MOG: variants seen among roughly 807,000 people sequenced by gnomAD.
The protein encoded by MOG is myelin-oligodendrocyte glycoprotein.
MOG carries 20 observed loss-of-function variants against 35.9 expected under a neutral mutation model. The observed-to-expected ratio is 0.56, with a 90% CI of 0.39 to 0.81. The LOEUF (loss-of-function observed/expected upper bound fraction) is 0.81. Among genes scored for constraint, MOG ranks in the 30% least tolerant of loss-of-function variants. The probability of loss-of-function intolerance (pLI) is 0.00; values close to 1 mark genes in which losing one functional copy is unlikely to be tolerated. For synonymous variants in MOG, 92 were observed against 114.3 expected, an observed-to-expected ratio of 0.80 and a Z score of 1.25; for missense variants, 251 against 301.0, an observed-to-expected ratio of 0.83 and a Z score of 1.23.
chr6:29,657,700 CG>C (rs1236162018), intron 1 of MOG, among the ~76,000 whole-genome samples: 2 of 127,648 alleles, frequency 1.6e-5, no homozygotes, highest in African/African-American at 3.0e-5. Context: ...TTAGTACAGA[CG>C]GGGTTTCACA....
At chr6:29,658,607 G>A (rs1452213280) in intron 1 of MOG, among the ~76,000 whole-genome samples, 1 of 152,214 alleles carries the variant, frequency 6.6e-6, no homozygotes, top group Non-Finnish European at 1.5e-5. Context: ...ATTTGGCCAA[G>A]TCCTAACAGG....
rs1392311443 is a variant in MOG at position 29,662,068 on chromosome 6, C to T, written c.436+2402C>T. The T allele has an allele frequency of 1.0e-6, 1 of 985,416 alleles. No homozygotes were observed. The highest frequency in any genetic ancestry group is 1.7e-5 in the African/African-American group (1 of 57,368). 61.0% of individuals were successfully genotyped at this position (985,416 alleles called of 1,614,324 possible). ...GTATTATTGCAAGTCTCAGGTGTAA[C>T]TACCTCTGCTCTTTCTCTGAAGAGT... On this transcript the variant is annotated intron_variant, in intron 2 of 7. Coordinates refer to ENST00000376917, the MANE Select transcript of MOG (RefSeq NM_206809.4). The surrounding 1 kb of genome is among the most constrained non-coding windows in gnomAD (Gnocchi z 4.2).
At chr6:29,668,126 C>A (rs2127530138) in intron 5 of MOG, among the ~76,000 whole-genome samples, 1 of 152,216 alleles carries the variant, frequency 6.6e-6, no homozygotes, top group East Asian at 1.9e-4. Context: ...ATGTGCCAGG[C>A]ACTATTCTAA....
intron 2 of MOG, among the ~76,000 whole-genome samples, chr6:29,660,466 G>T (rs1768334732): frequency 6.7e-6 from 1 of 148,592 alleles, no homozygotes; most frequent in South Asian, 2.2e-4. Context: ...GGAAGCGGAG[G>T]TTGCAGTGAG....
rs1044750323 is a variant in MOG at position 29,657,096 on chromosome 6, C to G, written c.-114C>G. On this transcript the variant is annotated 5_prime_UTR_variant, in exon 1 of 8. Coordinates refer to ENST00000376917, the MANE Select transcript of MOG (RefSeq NM_206809.4). ...GAGTGGAGGCAGGGCCCAGGCAGCA[C>G]TGCCCTCCAAGATCTTCCCTTGGGC... 3.8e-6 allele frequency: 3 copies of G among 797,486 alleles called. No homozygotes were observed. Among genetic ancestry groups the G allele is most frequent in the Non-Finnish European group, 6.6e-6 (3 of 454,564 alleles). The allele number at this position is 797,486 out of a possible 1,614,324, so 49.4% of individuals were successfully genotyped here. A position where few individuals can be genotyped will look rare whatever the true frequency, so the allele number is the denominator to read the frequency against.
Position 29,670,994 on chromosome 6 carries a change from C to A in MOG, c.731-178C>A, listed in dbSNP as rs1315183537. The A allele has an allele frequency of 1.9e-6, 3 of 1,612,026 alleles. No individual in the cohort carries two copies. The highest frequency in any genetic ancestry group is 1.1e-5 in the South Asian group (1 of 90,704). On this transcript the variant is annotated intron_variant, in intron 7 of 7. Transcript: ENST00000376917. The surrounding 1 kb of genome is among the most constrained non-coding windows in gnomAD (Gnocchi z 4.2). Reference sequence around the variant, plus strand: ...CACTGCCCCTAAGCAGGAATCCAACCCTAGCTGGTCTCATTGCCCATTCCA... The same window carrying A: ...CACTGCCCCTAAGCAGGAATCCAACACTAGCTGGTCTCATTGCCCATTCCA...
chr6:29,667,877 AT>A, intron 4 of MOG, 26 bp from the exon 5 acceptor site: 1 of 1,613,734 alleles, frequency 6.2e-7, no homozygotes, highest in Non-Finnish European at 8.5e-7. Context: ...GCCCTACTAA[AT>A]CCATTTCCAT....
At position 29,662,962 on chromosome 6, in the gene MOG, G is replaced by A. The variant is rs1040552701; in HGVS notation, c.437-3190G>A. Among the ~76,000 whole-genome samples, 6 of 151,928 alleles carry A rather than the reference G, an allele frequency of 3.9e-5. No individual in the cohort carries two copies. Among genetic ancestry groups the A allele is most frequent in the African/African-American group, 7.2e-5 (3 of 41,434 alleles). Reference sequence around the variant, plus strand: ...ACAGGCGCGAGCCACTGCACCCAGCGAAGAACACTTTTTAAAAAATAAATA... The same window carrying A: ...ACAGGCGCGAGCCACTGCACCCAGCAAAGAACACTTTTTAAAAAATAAATA... On this transcript the variant is annotated intron_variant, in intron 2 of 7. Transcript: ENST00000376917. This position sits in a 1 kb window ranked among gnomAD's most constrained non-coding sequence, Gnocchi z 4.2.
intron 2 of MOG, chr6:29,663,993 T>A (rs750022956): frequency 4.3e-6 from 3 of 691,962 alleles, no homozygotes; most frequent in Non-Finnish European, 3.5e-6. Flanking sequence ...GAGATCAAGA[T>A]GAAAAGGGCT....
chr6:29,657,663 CTTTTTTTTT>C (rs9278226), intron 1 of MOG, among the ~76,000 whole-genome samples: 3 of 110,048 alleles, frequency 2.7e-5, no homozygotes, highest in African/African-American at 1.1e-4. Flanking sequence ...TTTTTCTTTT[CTTTTTTTTT>C]TTTTTTTTTT....
Position 29,669,991 on chromosome 6 carries a change from G to C in MOG, c.593-290G>C, listed in dbSNP as rs868042294. On this transcript the variant is annotated intron_variant, in intron 5 of 7. Coordinates refer to ENST00000376917, the MANE Select transcript of MOG (RefSeq NM_206809.4). Reference sequence around the variant, plus strand: ...TCACCATGTTGGCCTGGCTGGTCTTGAACTCTTGGCCTCATGATCCACCCG... The same window carrying C: ...TCACCATGTTGGCCTGGCTGGTCTTCAACTCTTGGCCTCATGATCCACCCG... 41 of 673,006 alleles carry C rather than the reference G, an allele frequency of 6.1e-5. No homozygotes were observed. The Middle Eastern group carries it at 2.8e-3, about 45-fold the overall frequency. 41.7% of individuals were successfully genotyped at this position (673,006 alleles called of 1,614,324 possible). A position where few individuals can be genotyped will look rare whatever the true frequency, so the allele number is the denominator to read the frequency against.
At position 29,667,643 on chromosome 6, in the gene MOG, G is replaced by A. The variant is rs769919169; in HGVS notation, c.551G>A (p.Gly184Glu). The A allele has an allele frequency of 6.2e-7, 1 of 1,613,774 alleles. No individual in the cohort carries two copies. The highest frequency in any genetic ancestry group is 1.3e-5 in the African/African-American group (1 of 74,800). The change falls in exon 4 of 8, where the codon GGA (glycine) becomes GAA (glutamate). Residue 184 changes from glycine to glutamate, a missense_variant and splice_region_variant. By Grantham distance (98) the Gly-to-Glu change is moderately conservative. Transcript: ENST00000376917. ...IFLCLQYRLR[G>E]KLRAEIENLH... ...AAAATGTTGCCTTTTTCTATTTTAG[G>A]AAAACTTCGAGCAGAGATAGGTGAG...
rs922140546 is a variant in MOG at position 29,662,804 on chromosome 6, G to A, written c.436+3138G>A. Among the ~76,000 whole-genome samples, 1 of 152,044 alleles carries A rather than the reference G, an allele frequency of 6.6e-6. No individual in the cohort carries two copies. The highest frequency in any genetic ancestry group is 2.4e-5 in the African/African-American group (1 of 41,392). ...AGCCTACATAGTAGCTGGGACCACAGGCACACACCACCACACACTGCTAAT... is the reference window on the plus strand; with the variant it reads ...AGCCTACATAGTAGCTGGGACCACAAGCACACACCACCACACACTGCTAAT... On this transcript the variant is annotated intron_variant, in intron 2 of 7. Coordinates refer to ENST00000376917, the MANE Select transcript of MOG (RefSeq NM_206809.4). This position sits in a 1 kb window ranked among gnomAD's most constrained non-coding sequence, Gnocchi z 4.2.
intron 1 of MOG, among the ~76,000 whole-genome samples, chr6:29,658,991 A>G (rs1767845423): frequency 6.6e-6 from 1 of 152,144 alleles, no homozygotes; most frequent in African/African-American, 2.4e-5. Flanking sequence ...AGGTGCCTGT[A>G]ATGCCAGCTA....
At position 29,669,481 on chromosome 6, in the gene MOG, G is replaced by A. The variant is rs1217889123; in HGVS notation, c.593-800G>A. On this transcript the variant is annotated intron_variant, in intron 5 of 7. Coordinates refer to ENST00000376917, the MANE Select transcript of MOG (RefSeq NM_206809.4). ...AATTTTTGTATTTTTAGTAGAGACG[G>A]GGTTTCACCATGTTGGCCAGGCTGG... is the stretch of plus-strand genomic sequence containing the variant. Among the ~76,000 whole-genome samples the A allele has an allele frequency of 1.1e-4, 15 of 141,120 alleles. No homozygotes were observed. In the East Asian group the frequency reaches 1.6e-3, roughly 15 times the overall value. 92.6% of individuals were successfully genotyped at this position (141,120 alleles called of 152,430 possible).
rs1487101199 is a variant in MOG at position 29,670,156 on chromosome 6, T to C, written c.593-125T>C. ...TTTTCTCATCCAAGTTCATGGACTTTCTGAATTTTGTCCCCAGAGTCCTTT... is the reference window on the plus strand; with the variant it reads ...TTTTCTCATCCAAGTTCATGGACTTCCTGAATTTTGTCCCCAGAGTCCTTT... On this transcript the variant is annotated intron_variant, in intron 5 of 7. Transcript: ENST00000376917. The surrounding 1 kb of genome is among the most constrained non-coding windows in gnomAD (Gnocchi z 4.2). The C allele has an allele frequency of 6.6e-7, 1 of 1,523,756 alleles. No homozygotes were observed. Among genetic ancestry groups the C allele is most frequent in the Non-Finnish European group, 9.1e-7 (1 of 1,097,778 alleles). The allele number at this position is 1,523,756 out of a possible 1,614,324, so 94.4% of individuals were successfully genotyped here.
rs1770603488 is a variant in MOG at position 29,668,008 on chromosome 6, G to A, written c.592+84G>A. 6 of 1,343,044 alleles carry A rather than the reference G, an allele frequency of 4.5e-6. No individual in the cohort carries two copies. In the South Asian group the frequency reaches 7.0e-5, roughly 16 times the overall value. The allele number at this position is 1,343,044 out of a possible 1,614,324, so 83.2% of individuals were successfully genotyped here. A position where few individuals can be genotyped will look rare whatever the true frequency, so the allele number is the denominator to read the frequency against. ...GTCACCTGGGGGAACAAGGACCCCT[G>A]GCTCCTGGTTGAGTCCCTTCCTCTC... On this transcript the variant is annotated intron_variant, in intron 5 of 7. Transcript: ENST00000376917.
intron 1 of MOG, among the ~76,000 whole-genome samples, chr6:29,659,043 C>T (rs1044396940): frequency 2.0e-5 from 3 of 151,844 alleles, no homozygotes; most frequent in African/African-American, 7.3e-5. Flanking sequence ...ACCTGGGAGG[C>T]GGAGGTTGCA....
chr6:29,664,249 C>T (rs1049586703), intron 2 of MOG, among the ~76,000 whole-genome samples: 2 of 150,260 alleles, frequency 1.3e-5, no homozygotes, highest in Non-Finnish European at 3.0e-5. Context: ...CTCTTGTTAC[C>T]CAGGCTGGAG....
Sources: gnomAD v4.1 joint callset for allele counts (sites outside exome capture counted in the v4.1 genomes callset) on GRCh38, gnomAD v4.1.1 for gene constraint, Gnocchi (gnomAD v3.1) non-coding constraint, MANE v1.5 for transcripts, NCBI Gene and HGNC (gene_info 2026-07-23, HGNC 2026-07-21) for gene names.